Variants in FAM131B observed in about 807,000 individuals in gnomAD.
FAM131B encodes the protein family with sequence similarity 131 member B.
Under a neutral mutation model 42.0 loss-of-function variants are expected in FAM131B, and 19 were observed. That is an observed-to-expected ratio of 0.45 (90% CI 0.32 to 0.66). The LOEUF (loss-of-function observed/expected upper bound fraction) is 0.66. Ranked by LOEUF, FAM131B falls within the 30% of genes least tolerant of loss-of-function variation. FAM131B has a pLI of 0.05. For synonymous variants in FAM131B, 183 were observed against 177.6 expected, an observed-to-expected ratio of 1.03 and a Z score of -0.24; for missense variants, 370 against 468.4, an observed-to-expected ratio of 0.79 and a Z score of 1.94.
the FAM131B span, among the ~76,000 whole-genome samples, chr7:143,378,905 T>C: frequency 0.019 from 2,838 of 152,346 alleles, 26 homozygotes; most frequent in Admixed American, 0.022. Context: ...GCACTGACTC[T>C]GCTGCTCCTC....
the FAM131B span, chr7:143,381,201 G>A: frequency 1.7e-5 from 17 of 997,046 alleles, no homozygotes; most frequent in Middle Eastern, 5.0e-4. Flanking sequence ...TGCCTGGTCC[G>A]CCCTTCCCCG....
chr7:143,356,916 G>GA lies in FAM131B; in HGVS notation c.716dup (p.Ile240HisfsTer15). The GA allele has an allele frequency of 1.9e-6, 3 of 1,614,076 alleles. No individual in the cohort carries two copies. The highest frequency in any genetic ancestry group is 2.5e-6 in the Non-Finnish European group (3 of 1,180,000). On this transcript the variant is annotated frameshift_variant, in exon 7 of 7. Coordinates refer to ENST00000443739, the MANE Select transcript of FAM131B (RefSeq NM_001031690.3). LOFTEE classifies it high-confidence loss of function. The surrounding 1 kb of genome is among the most constrained non-coding windows in gnomAD (Gnocchi z 4.4). ...AGGATCCTGTGGCCGGAGAGGCAAT[G>GA]AGGGACTGATCGCTGGCTTCCCAGG...
In FAM131B at chr7:143,359,293, T is replaced by C; in HGVS notation, c.268+33A>G. The stretch of plus-strand genomic sequence containing the variant: ...GCCAAGGAGTCTGTCAGCATTATTT[T>C]GTCTGAAGGCATTCTTACATCAGGA... On this transcript the variant is annotated intron_variant, in intron 4 of 6. Coordinates refer to ENST00000443739, the MANE Select transcript of FAM131B (RefSeq NM_001031690.3). This position sits in a 1 kb window ranked among gnomAD's most constrained non-coding sequence, Gnocchi z 5.4. 4 of 1,519,328 alleles carry C rather than the reference T, an allele frequency of 2.6e-6. No homozygotes were observed. The highest frequency in any genetic ancestry group is 1.8e-6 in the Non-Finnish European group (2 of 1,097,380). 94.1% of individuals were successfully genotyped at this position (1,519,328 alleles called of 1,614,324 possible).
At chr7:143,363,267 T>C (rs1804083603), upstream of FAM131B, among the ~76,000 whole-genome samples, 1 of 152,154 alleles carries the variant, frequency 6.6e-6, no homozygotes, top group African/African-American at 2.4e-5. Flanking sequence ...GGTGAAGTCT[T>C]TGCAAGTGAA....
chr7:143,368,341 A>G, the FAM131B span, among the ~76,000 whole-genome samples: 1 of 152,256 alleles, frequency 6.6e-6, no homozygotes, highest in Admixed American at 6.5e-5. Context: ...GAAAGATCAA[A>G]TAAAGAATAC....
the FAM131B span, chr7:143,381,653 C>T: frequency 6.2e-7 from 1 of 1,612,170 alleles, no homozygotes; most frequent in Non-Finnish European, 8.5e-7. Context: ...GAAGTTCGGC[C>T]CTGTGGTGGC....
At chr7:143,366,319 T>C (rs973039305), upstream of FAM131B, among the ~76,000 whole-genome samples, 1 of 152,180 alleles carries the variant, frequency 6.6e-6, no homozygotes, top group Non-Finnish European at 1.5e-5. Context: ...TCTTTGGTGC[T>C]TTCATAAAAT....
the FAM131B span, chr7:143,381,586 C>T: frequency 4.3e-6 from 7 of 1,610,602 alleles, no homozygotes; most frequent in African/African-American, 9.3e-5. Context: ...CGGCCCCCCG[C>T]CCGTCTCCCG....
At chr7:143,381,245 A>T in the FAM131B span, 7 of 1,018,458 alleles carry the variant, frequency 6.9e-6, no homozygotes, top group Non-Finnish European at 8.3e-6. Context: ...CGCTCCTTGT[A>T]TGGTCTGGGC....
the FAM131B span, chr7:143,382,216 C>T: frequency 6.3e-7 from 1 of 1,593,954 alleles, no homozygotes; most frequent in Non-Finnish European, 8.6e-7. Flanking sequence ...GTAGAGGGAC[C>T]CCGGCCGACG....
Position 143,358,693 on chromosome 7 carries a change from T to C in FAM131B, c.466+134A>G, listed in dbSNP as rs1285267800. 1.5e-6 allele frequency: 1 copy of C among 674,256 alleles called. No homozygotes were observed. The highest frequency in any genetic ancestry group is 2.6e-6 in the Non-Finnish European group (1 of 385,100). 41.8% of individuals were successfully genotyped at this position (674,256 alleles called of 1,614,324 possible). A position where few individuals can be genotyped will look rare whatever the true frequency, so the allele number is the denominator to read the frequency against. On this transcript the variant is annotated intron_variant, in intron 5 of 6. Transcript: ENST00000443739. This position sits in a 1 kb window ranked among gnomAD's most constrained non-coding sequence, Gnocchi z 4.7. The stretch of plus-strand genomic sequence containing the variant: ...TATTTGAATTACCACATCAAAATAC[T>C]TAGAGCTGTTTGGGAAATGTGAATC...
chr7:143,371,590 G>A, the FAM131B span, among the ~76,000 whole-genome samples: 1 of 137,618 alleles, frequency 7.3e-6, no homozygotes, highest in Admixed American at 8.1e-5. Context: ...CTCCAGCCTG[G>A]GCAACACCGC....
chr7:143,359,008 C>G lies in FAM131B; in HGVS notation c.285G>C (p.Met95Ile), dbSNP rs1342910287. The G allele has an allele frequency of 6.2e-7, 1 of 1,613,716 alleles. No homozygotes were observed. Among genetic ancestry groups the G allele is most frequent in the Non-Finnish European group, 8.5e-7 (1 of 1,180,006 alleles). The change falls in exon 5 of 7, where the codon ATG becomes ATC. Residue 95 changes from methionine (M) to isoleucine (I), a missense_variant. Met to Ile is a conservative substitution (Grantham distance 10). Transcript: ENST00000443739. The surrounding 1 kb of genome is among the most constrained non-coding windows in gnomAD (Gnocchi z 5.4). ...KSSFSGISRS[M>I]KDHVTKPTAM... Reference sequence around the variant, plus strand: ...CTGTGGGCTTTGTCACATGGTCCTTCATGCTCCGTGAGATCCCTATGGGGC... The same window carrying G: ...CTGTGGGCTTTGTCACATGGTCCTTGATGCTCCGTGAGATCCCTATGGGGC...
chr7:143,370,329 TCTA>T, the FAM131B span, among the ~76,000 whole-genome samples: 2 of 152,170 alleles, frequency 1.3e-5, no homozygotes, highest in Non-Finnish European at 2.9e-5. Context: ...GCATCTTCAC[TCTA>T]CTGAAGCAGC....
chr7:143,365,700 A>T (rs1804164783), upstream of FAM131B, among the ~76,000 whole-genome samples: 1 of 152,136 alleles, frequency 6.6e-6, no homozygotes, highest in African/African-American at 2.4e-5. Flanking sequence ...TCCTGGGCTC[A>T]AGTGATCCTC....
chr7:143,373,655 G>C, the FAM131B span, among the ~76,000 whole-genome samples: 4 of 152,284 alleles, frequency 2.6e-5, no homozygotes, highest in African/African-American at 9.6e-5. Flanking sequence ...AAAGAGGAAT[G>C]CTTGCTGAAA....
chr7:143,371,941 G>C, the FAM131B span, among the ~76,000 whole-genome samples: 11 of 152,338 alleles, frequency 7.2e-5, no homozygotes, highest in African/African-American at 2.2e-4. Flanking sequence ...AGTTTGATTT[G>C]ATGTAGGTAG....
intron 1 of FAM131B, chr7:143,361,340 G>C (rs1586540434): frequency 6.6e-6 from 1 of 151,220 alleles, no homozygotes; most frequent in African/African-American, 2.4e-5. Flanking sequence ...CTGAGGAGAA[G>C]GGAGACAGGG....
intron 5 of FAM131B, 32 bp from the exon 6 acceptor site, chr7:143,357,455 C>A (rs762988785): frequency 3.8e-6 from 6 of 1,593,172 alleles, no homozygotes; most frequent in Non-Finnish European, 5.1e-6. Flanking sequence ...CCACAAAATA[C>A]CTCAGGGAAT....
Sources: allele counts gnomAD v4.1 joint callset (sites outside exome capture counted in the v4.1 genomes callset), GRCh38; gene constraint gnomAD v4.1.1; non-coding constraint Gnocchi (gnomAD v3.1); transcripts MANE v1.5; gene names NCBI Gene and HGNC (gene_info 2026-07-23, HGNC 2026-07-21).